Variants in PTPRD observed in about 807,000 individuals in gnomAD.
PTPRD encodes protein tyrosine phosphatase receptor type D.
In PTPRD, 34 loss-of-function variants were observed where a neutral mutation model predicts 214.5. That is an observed-to-expected ratio of 0.16 (90% CI 0.12 to 0.21). The LOEUF (loss-of-function observed/expected upper bound fraction) is 0.21, where lower values mean the gene tolerates loss of function less well. Ranked by LOEUF, PTPRD falls within the 10% of genes least tolerant of loss-of-function variation. PTPRD has a pLI of 1.00. For missense variants in PTPRD, 2,545 were observed against 2,398.7 expected, an observed-to-expected ratio of 1.06 and a Z score of -1.27; for synonymous variants, 1,128 against 845.7, an observed-to-expected ratio of 1.33 and a Z score of -5.79.
chr9:9,091,254 G>A (rs979727261), intron 10 of PTPRD: 202 of 1,239,812 alleles, frequency 1.6e-4, no homozygotes, highest in Non-Finnish European at 2.2e-4. Flanking sequence ...AAGGAGCTGA[G>A]TTCTTAAAGA....
chr9:9,501,439 G>A (rs2096410479), intron 8 of PTPRD, among the ~76,000 whole-genome samples: 1 of 151,806 alleles, frequency 6.6e-6, no homozygotes. Context: ...TCATATATGT[G>A]TATGCACCTA....
At chr9:9,844,003 C>G (rs1375971204) in intron 5 of PTPRD, among the ~76,000 whole-genome samples, 1 of 151,926 alleles carries the variant, frequency 6.6e-6, no homozygotes, top group Non-Finnish European at 1.5e-5. Context: ...TCTTCAAATA[C>G]AGGTGTTCTA....
At position 8,733,874 on chromosome 9, in the gene PTPRD, G is replaced by A. The variant is rs2154434935; in HGVS notation, c.-31C>T. The A allele has an allele frequency of 1.9e-6, 3 of 1,548,482 alleles. No homozygotes were observed. The highest frequency in any genetic ancestry group is 2.6e-6 in the Non-Finnish European group (3 of 1,146,460). ...AGCTTGGCAGCAGCGTGCGCGAGCA[G>A]CTTGGAATCACTGCCTCCGGAGCCG... On this transcript the variant is annotated 5_prime_UTR_variant, in exon 12 of 46. Coordinates refer to ENST00000381196, the MANE Select transcript of PTPRD (RefSeq NM_002839.4).
intron 9 of PTPRD, among the ~76,000 whole-genome samples, chr9:9,368,933 C>T (rs533942902): frequency 1.2e-3 from 178 of 151,990 alleles, no homozygotes; most frequent in African/African-American, 4.0e-3. Context: ...CACAACAGTC[C>T]CCAGTGTAGG....
intron 3 of PTPRD, among the ~76,000 whole-genome samples, chr9:10,290,595 T>C (rs1263497543): frequency 6.6e-6 from 1 of 152,164 alleles, no homozygotes; most frequent in African/African-American, 2.4e-5. Flanking sequence ...TAAGGAATTA[T>C]ATTATTGACT....
chr9:9,552,493 T>G (rs1238004871), intron 8 of PTPRD, among the ~76,000 whole-genome samples: 1 of 152,108 alleles, frequency 6.6e-6, no homozygotes, highest in Non-Finnish European at 1.5e-5. Flanking sequence ...TAGTTCTTTA[T>G]AACTTACTTC....
chr9:9,743,080 A>G (rs2098420626), intron 6 of PTPRD, among the ~76,000 whole-genome samples: 1 of 152,006 alleles, frequency 6.6e-6, no homozygotes, highest in Non-Finnish European at 1.5e-5. Context: ...TTTTTGGGAT[A>G]CTCTGTTCCC....
At chr9:9,546,294 C>T (rs1035013061) in intron 8 of PTPRD, among the ~76,000 whole-genome samples, 1 of 151,276 alleles carries the variant, frequency 6.6e-6, no homozygotes, top group Admixed American at 6.6e-5. Context: ...TAGTGTGTTG[C>T]TTTCTTCTCA....
chr9:10,396,347 C>A (rs1396780540), intron 2 of PTPRD, among the ~76,000 whole-genome samples: 6 of 152,032 alleles, frequency 3.9e-5, no homozygotes, highest in African/African-American at 1.4e-4. Context: ...GCTGAGGTAG[C>A]CTGCGGGAGC....
chr9:10,392,981 CA>C (rs1210421600), intron 2 of PTPRD, among the ~76,000 whole-genome samples: 1 of 151,716 alleles, frequency 6.6e-6, no homozygotes, highest in Non-Finnish European at 1.5e-5. Flanking sequence ...CAGAGCAGAG[CA>C]GTCTAGGAGC....
At chr9:9,337,807 C>T (rs2045167338) in intron 9 of PTPRD, among the ~76,000 whole-genome samples, 1 of 152,124 alleles carries the variant, frequency 6.6e-6, no homozygotes, top group Non-Finnish European at 1.5e-5. Context: ...ATCTTGCTAA[C>T]TACATTATAA....
intron 5 of PTPRD, among the ~76,000 whole-genome samples, chr9:9,821,330 T>G (rs1401150452): frequency 1.3e-5 from 2 of 152,194 alleles, no homozygotes; most frequent in African/African-American, 2.4e-5. Context: ...CAAATGTAAT[T>G]GAATTTTATG....
intron 2 of PTPRD, among the ~76,000 whole-genome samples, chr9:10,583,673 T>A (rs1235412779): frequency 6.6e-6 from 1 of 151,722 alleles, no homozygotes; most frequent in East Asian, 1.9e-4. Flanking sequence ...AGAGACAGAG[T>A]TTCACCATGT....
chr9:9,853,798 C>T (rs1049877847), intron 5 of PTPRD, among the ~76,000 whole-genome samples: 5 of 152,072 alleles, frequency 3.3e-5, no homozygotes, highest in Admixed American at 6.6e-5. Context: ...CCTCATGATC[C>T]GCCCGCCTCA....
chr9:8,985,061 G>A (rs2099332678), intron 11 of PTPRD, among the ~76,000 whole-genome samples: 1 of 151,862 alleles, frequency 6.6e-6, no homozygotes, highest in Non-Finnish European at 1.5e-5. Flanking sequence ...TAGTTCAATG[G>A]GCTGAAAGAA....
intron 5 of PTPRD, among the ~76,000 whole-genome samples, chr9:9,829,507 A>G (rs2153599492): frequency 6.6e-6 from 1 of 151,948 alleles, no homozygotes; most frequent in African/African-American, 2.4e-5. Flanking sequence ...AAAATTCCTA[A>G]AATAATATTT....
intron 30 of PTPRD, among the ~76,000 whole-genome samples, chr9:8,478,091 T>C (rs2096801972): frequency 6.6e-6 from 1 of 152,238 alleles, no homozygotes; most frequent in Admixed American, 6.5e-5. Context: ...AGCTGTATGA[T>C]CTTGGCCAGG....
chr9:10,214,606 G>C (rs1482951693), intron 3 of PTPRD, among the ~76,000 whole-genome samples: 1 of 151,850 alleles, frequency 6.6e-6, no homozygotes, highest in Non-Finnish European at 1.5e-5. Context: ...AATTTTGCTT[G>C]CATATAGGGA....
chr9:9,327,866 C>T (rs2040626299), intron 9 of PTPRD, among the ~76,000 whole-genome samples: 1 of 145,532 alleles, frequency 6.9e-6, no homozygotes, highest in South Asian at 2.2e-4. Flanking sequence ...TTTTGGGCCA[C>T]ACATAAAATA....
Sources: allele counts gnomAD v4.1 joint callset (sites outside exome capture counted in the v4.1 genomes callset), GRCh38; gene constraint gnomAD v4.1.1; transcripts MANE v1.5; gene names NCBI Gene and HGNC (gene_info 2026-07-23, HGNC 2026-07-21).